SYTL2: variants seen among roughly 807,000 people sequenced by gnomAD.
SYTL2 encodes the protein synaptotagmin like 2.
In SYTL2, 165 loss-of-function variants were observed where a neutral mutation model predicts 198.7. The observed-to-expected ratio is 0.83, with a 90% CI of 0.73 to 0.94. The LOEUF (loss-of-function observed/expected upper bound fraction) is 0.94, where lower values mean the gene tolerates loss of function less well. SYTL2 is among the 40% of genes least tolerant of loss of function. The pLI, the probability that SYTL2 is intolerant of heterozygous loss-of-function variation, is 0.00. For missense variants in SYTL2, 2,835 were observed against 2,582.8 expected (o/e 1.10, Z -2.12); for synonymous variants, 966 against 917.7 (o/e 1.05, Z -0.95).
At chr11:85,719,556 A>G (rs2087945527) in intron 9 of SYTL2, among the ~76,000 whole-genome samples, 1 of 152,130 alleles carries the variant, frequency 6.6e-6, no homozygotes, top group Non-Finnish European at 1.5e-5. Flanking sequence ...AACATCAGGA[A>G]AAACAATCAG....
In SYTL2 at chr11:85,722,741, G is replaced by A. The variant is rs192982794; in HGVS notation, c.5326+1291C>T. On this transcript the variant is annotated intron_variant, in intron 8 of 19. Coordinates refer to ENST00000359152, the MANE Select transcript of SYTL2 (RefSeq NM_206927.4). ...ACTTTAGAGATTAAATAAATTTAGA[G>A]ATTTAATTAGAGATTTATAAATAAA... Among the ~76,000 whole-genome samples, 289 of 151,900 alleles carry A rather than the reference G, an allele frequency of 1.9e-3. 2 individuals carry two copies. The highest frequency in any genetic ancestry group is 6.6e-3 in the African/African-American group (275 of 41,494).
At chr11:85,824,669 C>T in the SYTL2 span, among the ~76,000 whole-genome samples, 1 of 152,162 alleles carries the variant, frequency 6.6e-6, no homozygotes, top group Admixed American at 6.5e-5. Flanking sequence ...TCTCCTTTTC[C>T]CTGTCCTCCA....
chr11:85,824,149 T>C, the SYTL2 span, among the ~76,000 whole-genome samples: 1 of 152,122 alleles, frequency 6.6e-6, no homozygotes, highest in Admixed American at 6.5e-5. Context: ...AGTCTAATAA[T>C]ATAACTCCTC....
chr11:85,806,919 G>C (rs1225360298), intron 1 of SYTL2, among the ~76,000 whole-genome samples: 3 of 152,250 alleles, frequency 2.0e-5, no homozygotes, highest in Admixed American at 6.5e-5. Flanking sequence ...AGATGCAGAA[G>C]TTGAAACCAA....
the SYTL2 span, among the ~76,000 whole-genome samples, chr11:85,839,217 T>A: frequency 6.6e-6 from 1 of 152,218 alleles, no homozygotes; most frequent in South Asian, 2.1e-4. Flanking sequence ...TTTTCAAATG[T>A]ACAATTAAGT....
At chr11:85,718,652 A>T (rs935318484) in intron 10 of SYTL2, 138 bp downstream of exon 10, 1 of 694,282 alleles carries the variant, frequency 1.4e-6, no homozygotes, top group African/African-American at 1.8e-5. Flanking sequence ...GAACTGTTTT[A>T]TAGTAACTTA....
At chr11:85,771,914 A>C (rs11234406) in intron 1 of SYTL2, among the ~76,000 whole-genome samples, 8,689 of 151,570 alleles carry the variant, frequency 0.057, 793 homozygotes, top group African/African-American at 0.19. Context: ...ATATATATAT[A>C]TTTTTTGAGA....
At chr11:85,789,340 GTATATATATA>G (rs56956411) in intron 1 of SYTL2, among the ~76,000 whole-genome samples, 1,455 of 62,456 alleles carry the variant, frequency 0.023, 31 homozygotes, top group Non-Finnish European at 0.026. Context: ...GTGTGTGTGT[GTATATATATA>G]TATATATATA....
chr11:85,746,411 C>A lies in SYTL2; in HGVS notation c.254-639G>T, dbSNP rs146727735. ...ATCCAGCACTCACTCTTTACCTGAA[C>A]ATCTCTGATAATTAGCAGCAACTGA... On this transcript the variant is annotated intron_variant, in intron 3 of 19. Transcript: ENST00000359152. 1.4e-4 allele frequency among the ~76,000 whole-genome samples: 22 copies of A among 152,304 alleles called. No homozygotes were observed. The East Asian group carries it at 3.1e-3, about 21-fold the overall frequency.
intron 16 of SYTL2, among the ~76,000 whole-genome samples, chr11:85,704,209 C>A (rs563209421): frequency 2.0e-4 from 30 of 151,846 alleles, no homozygotes; most frequent in Admixed American, 2.0e-3. Context: ...AAACAAACTT[C>A]TAATCAAAAG....
chr11:85,726,837 T>C lies in SYTL2; in HGVS notation c.2521A>G (p.Ser841Gly). The C allele has an allele frequency of 2.6e-6, 4 of 1,536,500 alleles. No homozygotes were observed. Among genetic ancestry groups the C allele is most frequent in the Non-Finnish European group, 3.5e-6 (4 of 1,146,974 alleles). The change falls in exon 8 of 20, where the codon AGT becomes GGT. Residue 841 changes from serine to glycine, a missense_variant. Physicochemically the swap from Ser to Gly is moderately conservative, Grantham distance 56. Coordinates refer to ENST00000359152, the MANE Select transcript of SYTL2 (RefSeq NM_206927.4). ...KKSQGVSSMD[S>G]LSTDQSEYNQ... ...TATTCACTCTGGTCTGTAGATAAAC[T>C]GTCCATGGATGATACACCCTGTGAC...
At chr11:85,793,312 A>G (rs1013256112) in intron 1 of SYTL2, among the ~76,000 whole-genome samples, 26 of 152,000 alleles carry the variant, frequency 1.7e-4, no homozygotes, top group Non-Finnish European at 3.7e-4. Context: ...CTTTTTAATG[A>G]TTGCCATTCT....
At chr11:85,746,075 T>C (rs1002224735) in intron 3 of SYTL2, among the ~76,000 whole-genome samples, 1 of 152,066 alleles carries the variant, frequency 6.6e-6, no homozygotes, top group East Asian at 1.9e-4. Context: ...CTGAACTGAG[T>C]TGGGGTCAGG....
chr11:85,756,352 G>A (rs1434175074), intron 2 of SYTL2, among the ~76,000 whole-genome samples: 1 of 152,174 alleles, frequency 6.6e-6, no homozygotes. Flanking sequence ...GCCACTGCTT[G>A]TCATCATAGC....
chr11:85,832,000 A>G, the SYTL2 span, among the ~76,000 whole-genome samples: 1 of 151,132 alleles, frequency 6.6e-6, no homozygotes, highest in Non-Finnish European at 1.5e-5. Flanking sequence ...AATTTCTGGA[A>G]TAATTCATTA....
intron 1 of SYTL2, among the ~76,000 whole-genome samples, chr11:85,761,060 T>G (rs938874855): frequency 1.3e-5 from 2 of 152,200 alleles, no homozygotes; most frequent in Admixed American, 6.5e-5. Flanking sequence ...ATTGAGAGAC[T>G]GGCACTATTC....
chr11:85,762,437 T>C (rs551392591), intron 1 of SYTL2, among the ~76,000 whole-genome samples: 1 of 152,370 alleles, frequency 6.6e-6, no homozygotes, highest in South Asian at 2.1e-4. Flanking sequence ...AGCATGATGC[T>C]GAGTCATTTT....
At chr11:85,820,169 C>A in the SYTL2 span, among the ~76,000 whole-genome samples, 1 of 152,202 alleles carries the variant, frequency 6.6e-6, no homozygotes, top group Non-Finnish European at 1.5e-5. Flanking sequence ...GCAACTTTAT[C>A]ACCAATAGAA....
the SYTL2 span, among the ~76,000 whole-genome samples, chr11:85,837,990 C>G: frequency 6.6e-6 from 1 of 152,118 alleles, no homozygotes; most frequent in Admixed American, 6.6e-5. Context: ...TGTTATAGAA[C>G]GTTTAAAAGC....
Sources: gnomAD v4.1 joint callset for allele counts (sites outside exome capture counted in the v4.1 genomes callset) on GRCh38, gnomAD v4.1.1 for gene constraint, MANE v1.5 for transcripts, NCBI Gene and HGNC (gene_info 2026-07-23, HGNC 2026-07-21) for gene names.